The following CLGN variants were observed in gnomAD, a reference collection of about 807,000 sequenced individuals.
CLGN encodes testis tissue sperm-binding protein Li 79P.
Under a neutral mutation model 79.1 loss-of-function variants are expected in CLGN, and 62 were observed. The ratio of observed to expected loss-of-function variants is 0.78; its 90% CI spans 0.64 to 0.97. The LOEUF is 0.97. CLGN is among the 50% of genes least tolerant of loss of function. The pLI is 0.00. For synonymous variants in CLGN, 225 were observed against 224.7 expected (o/e 1.00, Z -0.01); for missense variants, 647 against 715.5 (o/e 0.90, Z 1.09).
intron 8 of CLGN, among the ~76,000 whole-genome samples, chr4:140,398,460 G>T (rs1298314713): frequency 6.6e-6 from 1 of 151,528 alleles, no homozygotes; most frequent in Non-Finnish European, 1.5e-5. Flanking sequence ...GTAGAGACGG[G>T]GTTTCGCCAT....
At chr4:140,418,315 C>A in intron 1 of CLGN, among the ~76,000 whole-genome samples, 1 of 148,510 alleles carries the variant, frequency 6.7e-6, no homozygotes. Context: ...GTCTAAAACA[C>A]CAAAAGCAAT....
At chr4:140,426,531 G>T (rs866319392) in intron 1 of CLGN, among the ~76,000 whole-genome samples, 1 of 152,252 alleles carries the variant, frequency 6.6e-6, no homozygotes, top group Non-Finnish European at 1.5e-5. Flanking sequence ...CTGAAAACAG[G>T]TCAAACTTAC....
intron 8 of CLGN, 41 bp from the exon 9 acceptor site, chr4:140,396,246 T>G: frequency 6.9e-7 from 1 of 1,444,390 alleles, no homozygotes; most frequent in Non-Finnish European, 9.7e-7. Context: ...ATTCAGAAAG[T>G]TTAAAAATGC....
chr4:140,422,895 G>T (rs956394048), intron 1 of CLGN, among the ~76,000 whole-genome samples: 7 of 152,182 alleles, frequency 4.6e-5, no homozygotes, highest in Admixed American at 3.9e-4. Flanking sequence ...GGGACTACAG[G>T]CATGAGCCAC....
chr4:140,400,332 A>G (rs1728975487), intron 7 of CLGN, 25 bp downstream of exon 7: 2 of 1,497,550 alleles, frequency 1.3e-6, no homozygotes, highest in Non-Finnish European at 9.2e-7. Flanking sequence ...ATTTTTGAAT[A>G]CATGAATGAA....
At chr4:140,413,708 G>A (rs60573202) in intron 1 of CLGN, among the ~76,000 whole-genome samples, 10,476 of 152,274 alleles carry the variant, frequency 0.069, 473 homozygotes, top group African/African-American at 0.12. Flanking sequence ...AGGGTCTTAC[G>A]CCCACGGAGT....
At chr4:140,425,622 C>CTTTTTTTTT (rs60198755) in intron 1 of CLGN, among the ~76,000 whole-genome samples, 17 of 97,176 alleles carry the variant, frequency 1.7e-4, no homozygotes, top group East Asian at 6.0e-4. Flanking sequence ...TTTGTAATTC[C>CTTTTTTTTT]TTTTTTTTTT....
chr4:140,399,392 CT>C (rs1728954872), intron 7 of CLGN, among the ~76,000 whole-genome samples: 1 of 152,126 alleles, frequency 6.6e-6, no homozygotes, highest in Admixed American at 6.5e-5. Flanking sequence ...TTGATACCAT[CT>C]TAAAGTGTTG....
intron 10 of CLGN, 88 bp downstream of exon 10, chr4:140,395,730 CA>C (rs1560739343): frequency 8.7e-7 from 1 of 1,152,756 alleles, no homozygotes; most frequent in Non-Finnish European, 1.1e-6. Context: ...ATGAAACTTC[CA>C]AAAGTTGACA....
At chr4:140,410,342 G>A (rs983577556) in intron 3 of CLGN, among the ~76,000 whole-genome samples, 6 of 151,644 alleles carry the variant, frequency 4.0e-5, no homozygotes, top group Non-Finnish European at 2.9e-5. Flanking sequence ...CTTTGCATTC[G>A]GAATTAGTAT....
Position 140,389,134 on chromosome 4 carries a change from A to T in CLGN, c.*90T>A. On this transcript the variant is annotated 3_prime_UTR_variant, in exon 15 of 15. Coordinates refer to ENST00000325617, the MANE Select transcript of CLGN (RefSeq NM_004362.3). ...AATGTTGCTAGATATTAGAAACAGG[A>T]TGTGCAGACTGATTAAAGTTCAGGT... 1 of 904,502 alleles carries T rather than the reference A, an allele frequency of 1.1e-6. No individual in the cohort carries two copies. The highest frequency in any genetic ancestry group is 1.8e-6 in the Non-Finnish European group (1 of 549,194). 56.0% of individuals were successfully genotyped at this position (904,502 alleles called of 1,614,324 possible).
At chr4:140,412,884 C>A (rs1729239196) in intron 2 of CLGN, 51 bp downstream of exon 2, 2 of 1,494,134 alleles carry the variant, frequency 1.3e-6, no homozygotes, top group South Asian at 1.2e-5. Flanking sequence ...TCAATCACTT[C>A]ATTGTACTAT....
At position 140,395,868 on chromosome 4, in the gene CLGN, T is replaced by C; in HGVS notation, c.1100A>G (p.Lys367Arg). The change falls in exon 10 of 15, where the codon AAA becomes AGA. Residue 367 changes from lysine to arginine, a missense_variant. Physicochemically the swap from Lys to Arg is conservative, Grantham distance 26. Coordinates refer to ENST00000325617, the MANE Select transcript of CLGN (RefSeq NM_004362.3). ...EWKPPMIDNP[K>R]YKGVWRPPLV... is the part of the protein sequence containing the mutation. ...TGGAGGTCTCCATACTCCTTTGTAT[T>C]TTGGGTTATCTATCATGGGAGGTTT... 6.3e-7 allele frequency: 1 copy of C among 1,590,892 alleles called. No homozygotes were observed. Among genetic ancestry groups the C allele is most frequent in the East Asian group, 2.2e-5 (1 of 44,804 alleles).
intron 1 of CLGN, among the ~76,000 whole-genome samples, chr4:140,420,141 C>G (rs1729435916): frequency 6.6e-6 from 1 of 151,954 alleles, no homozygotes; most frequent in African/African-American, 2.4e-5. Context: ...AAAAAACATT[C>G]TAAGTGCTTT....
At chr4:140,411,775 TTACTC>T (rs1055422271) in intron 2 of CLGN, among the ~76,000 whole-genome samples, 1 of 152,044 alleles carries the variant, frequency 6.6e-6, no homozygotes, top group Non-Finnish European at 1.5e-5. Context: ...AATTACAACT[TTACTC>T]TTCTCTATAT....
chr4:140,423,589 TGAG>T (rs982651933), intron 1 of CLGN, among the ~76,000 whole-genome samples: 2 of 152,332 alleles, frequency 1.3e-5, no homozygotes, highest in African/African-American at 4.8e-5. Context: ...CGGAAGAATT[TGAG>T]GAGGACTGGT....
At chr4:140,392,012 T>A (rs908269528) in intron 13 of CLGN, among the ~76,000 whole-genome samples, 7 of 151,906 alleles carry the variant, frequency 4.6e-5, no homozygotes, top group African/African-American at 1.7e-4. Flanking sequence ...ACTATTTAAA[T>A]CTCCTTCTTC....
At chr4:140,401,842 G>A in intron 6 of CLGN, 143 bp downstream of exon 6, 1 of 532,840 alleles carries the variant, frequency 1.9e-6, no homozygotes, top group Non-Finnish European at 3.3e-6. Context: ...CGAATTGTAA[G>A]AGCTATGTAA....
rs1369643646 is a variant in CLGN, at chr4:140,396,084, G to T, written c.998+8C>A. 22 of 1,612,620 alleles carry T rather than the reference G, an allele frequency of 1.4e-5. No homozygotes were observed. Among genetic ancestry groups the T allele is most frequent in the Non-Finnish European group, 1.7e-5 (20 of 1,178,778 alleles). On this transcript the variant is annotated splice_region_variant and intron_variant, in intron 9 of 14. Coordinates refer to ENST00000325617, the MANE Select transcript of CLGN (RefSeq NM_004362.3). ...TGAAATCGACATTTGAAGATGAAGA[G>T]TGCTTACCAGTCATCAGGTTTTTCA...
Sources: gnomAD v4.1 joint callset for allele counts (sites outside exome capture counted in the v4.1 genomes callset) on GRCh38, gnomAD v4.1.1 for gene constraint, MANE v1.5 for transcripts, NCBI Gene and HGNC (gene_info 2026-07-23, HGNC 2026-07-21) for gene names.